The following CPLANE1 variants were observed in gnomAD, a reference collection of about 807,000 sequenced individuals.
The protein encoded by CPLANE1 is ciliogenesis and planar polarity effector complex subunit 1.
A neutral mutation model predicts 362.5 loss-of-function variants in CPLANE1; 263 were observed. The observed-to-expected ratio is 0.73, with a 90% CI of 0.66 to 0.80. The LOEUF is 0.80. Ranked by LOEUF, CPLANE1 falls within the 30% of genes least tolerant of loss-of-function variation. CPLANE1 has a pLI of 0.00. For missense variants in CPLANE1, 3,461 were observed against 3,793.4 expected (o/e 0.91, Z 2.30); for synonymous variants, 1,212 against 1,302.6 (o/e 0.93, Z 1.50).
intron 19 of CPLANE1, among the ~76,000 whole-genome samples, chr5:37,200,062 G>A (rs1440169127): frequency 1.3e-5 from 2 of 152,218 alleles, no homozygotes; most frequent in Non-Finnish European, 2.9e-5. Flanking sequence ...GTCTTCAGGT[G>A]AAGATGACAC....
chr5:37,118,692 C>T (rs1408879324), intron 50 of CPLANE1, among the ~76,000 whole-genome samples: 1 of 151,170 alleles, frequency 6.6e-6, no homozygotes, highest in Non-Finnish European at 1.5e-5. Flanking sequence ...TAAACAGAAC[C>T]TGCCACATAA....
the CPLANE1 span, among the ~76,000 whole-genome samples, chr5:37,095,164 T>C: frequency 2.6e-5 from 4 of 152,092 alleles, no homozygotes; most frequent in Non-Finnish European, 4.4e-5. Flanking sequence ...CTCTGATGAA[T>C]ATAGATGCTA....
At chr5:37,245,118 T>G (rs1739116531) in intron 4 of CPLANE1, among the ~76,000 whole-genome samples, 3 of 150,540 alleles carry the variant, frequency 2.0e-5, no homozygotes, top group Admixed American at 2.0e-4. Flanking sequence ...CACTCCAGCC[T>G]GGGCGACAGA....
chr5:37,153,105 G>A (rs1774025592), intron 42 of CPLANE1, among the ~76,000 whole-genome samples: 1 of 151,970 alleles, frequency 6.6e-6, no homozygotes, highest in African/African-American at 2.4e-5. Context: ...TTTCTTGGTA[G>A]GAAGCATGGG....
intron 38 of CPLANE1, among the ~76,000 whole-genome samples, chr5:37,158,789 C>T (rs1335929720): frequency 6.8e-6 from 1 of 146,722 alleles, no homozygotes; most frequent in African/African-American, 2.6e-5. Context: ...ACATAATTCA[C>T]ATTTTTTTTT....
At chr5:37,205,560 A>G (rs1237845918) in intron 17 of CPLANE1, 106 bp from the exon 18 acceptor site, 1 of 764,512 alleles carries the variant, frequency 1.3e-6, no homozygotes, top group East Asian at 2.7e-5. Context: ...AATGGAATTT[A>G]CTTTTTTATC....
intron 9 of CPLANE1, among the ~76,000 whole-genome samples, chr5:37,229,276 G>A (rs1218087768): frequency 5.3e-5 from 8 of 151,594 alleles, no homozygotes; most frequent in African/African-American, 1.7e-4. Flanking sequence ...CGAGGAGGCC[G>A]GGCGCGGTGG....
intron 21 of CPLANE1, among the ~76,000 whole-genome samples, chr5:37,192,810 C>T (rs1785970163): frequency 7.1e-6 from 1 of 140,514 alleles, no homozygotes; most frequent in African/African-American, 2.7e-5. Flanking sequence ...GAGCCGAGAG[C>T]GTGCCACTAC....
At chr5:37,116,038 G>C (rs890526113) in intron 50 of CPLANE1, among the ~76,000 whole-genome samples, 1 of 151,876 alleles carries the variant, frequency 6.6e-6, no homozygotes, top group Non-Finnish European at 1.5e-5. Flanking sequence ...TGTAATTCTT[G>C]CACTTTGGGA....
intron 51 of CPLANE1, among the ~76,000 whole-genome samples, chr5:37,114,304 G>C (rs1241185706): frequency 6.6e-6 from 1 of 152,176 alleles, no homozygotes; most frequent in African/African-American, 2.4e-5. Flanking sequence ...GTTTTAAGGA[G>C]ATCTGAACAG....
intron 16 of CPLANE1, chr5:37,210,522 A>T (rs1403748401): frequency 7.1e-7 from 1 of 1,400,580 alleles, no homozygotes; most frequent in African/African-American, 1.4e-5. Context: ...AGAGGAGCTC[A>T]TAGCTTTTAA....
intron 25 of CPLANE1, 123 bp from the exon 26 acceptor site, chr5:37,183,822 A>G: frequency 1.5e-6 from 1 of 648,398 alleles, no homozygotes; most frequent in South Asian, 2.2e-5. Flanking sequence ...TGCCTCAATT[A>G]CCTACATTTC....
At chr5:37,112,337 C>CAGATGATCTGTAA (rs1158630385) in intron 51 of CPLANE1, among the ~76,000 whole-genome samples, 2 of 152,154 alleles carry the variant, frequency 1.3e-5, no homozygotes, top group African/African-American at 4.8e-5. Context: ...AATTTCCTTC[C>CAGATGATCTGTAA]TTTCAGATCA....
chr5:37,145,218 T>C lies in CPLANE1; in HGVS notation c.8462-2738A>G, dbSNP rs552375034. 6.6e-5 allele frequency among the ~76,000 whole-genome samples: 10 copies of C among 152,186 alleles called. No individual in the cohort carries two copies. The South Asian group carries it at 2.1e-3, about 32-fold the overall frequency. On this transcript the variant is annotated intron_variant, in intron 43 of 52. Coordinates refer to ENST00000651892, the MANE Select transcript of CPLANE1 (RefSeq NM_001384732.1). ...TACTTGGGGGGCTGAGGCAGGAGAA[T>C]TGCTTGAATCTGGGAGGCAGTGGTT...
intron 8 of CPLANE1, among the ~76,000 whole-genome samples, chr5:37,235,295 T>C (rs755991802): frequency 1.3e-5 from 2 of 152,028 alleles, no homozygotes; most frequent in African/African-American, 2.4e-5. Context: ...AAGATCTCTA[T>C]GAGGAGAACA....
At chr5:37,114,522 T>C (rs1397423684) in intron 51 of CPLANE1, among the ~76,000 whole-genome samples, 1 of 152,216 alleles carries the variant, frequency 6.6e-6, no homozygotes, top group Non-Finnish European at 1.5e-5. Flanking sequence ...CCAAAACTTC[T>C]TCTCTGAACC....
At chr5:37,229,089 G>T (rs369742855) in intron 9 of CPLANE1, among the ~76,000 whole-genome samples, 3 of 151,256 alleles carry the variant, frequency 2.0e-5, no homozygotes, top group African/African-American at 7.3e-5. Flanking sequence ...GCGTGGTGGC[G>T]CGCGCCTGCA....
Position 37,170,348 on chromosome 5 carries a change from A to C in CPLANE1, c.6172-17T>G. ...CTGTTGCAGCTTGAATAAAACAAAAATTGAAGCGATATCTTAAAATATAAC... is the reference window on the plus strand; with the variant it reads ...CTGTTGCAGCTTGAATAAAACAAAACTTGAAGCGATATCTTAAAATATAAC... On this transcript the variant is annotated splice_polypyrimidine_tract_variant and intron_variant, in intron 32 of 52. Transcript: ENST00000651892. The C allele has an allele frequency of 6.3e-7, 1 of 1,595,520 alleles. No individual in the cohort carries two copies. Among genetic ancestry groups the C allele is most frequent in the Non-Finnish European group, 8.5e-7 (1 of 1,170,542 alleles).
At chr5:37,155,660 C>T (rs1280455712) in intron 41 of CPLANE1, among the ~76,000 whole-genome samples, 2 of 152,344 alleles carry the variant, frequency 1.3e-5, no homozygotes, top group African/African-American at 2.4e-5. Context: ...TAGGCGTGAG[C>T]CACCACACCC....
Sources: gnomAD v4.1 joint callset for allele counts (sites outside exome capture counted in the v4.1 genomes callset) on GRCh38, gnomAD v4.1.1 for gene constraint, MANE v1.5 for transcripts, NCBI Gene and HGNC (gene_info 2026-07-23, HGNC 2026-07-21) for gene names.